Variants in UTP20 observed in about 807,000 individuals in gnomAD.
UTP20 encodes the protein small subunit processome component 20 homolog.
In UTP20, 164 loss-of-function variants were observed where a neutral mutation model predicts 329.5. That is an observed-to-expected ratio of 0.50 (90% CI 0.44 to 0.57). The LOEUF is 0.57. Ranked by LOEUF, UTP20 falls within the 20% of genes least tolerant of loss-of-function variation. The pLI, the probability that UTP20 is intolerant of heterozygous loss-of-function variation, is 0.00. For synonymous variants in UTP20, 1,151 were observed against 1,159.3 expected (o/e 0.99, Z 0.14); for missense variants, 3,055 against 3,284.2 (o/e 0.93, Z 1.71).
At chr12:101,370,330 G>A in intron 49 of UTP20, 102 bp from the exon 50 acceptor site, 4 of 1,378,646 alleles carry the variant, frequency 2.9e-6, no homozygotes, top group Non-Finnish European at 3.9e-6. Context: ...CTGGCACCCT[G>A]TTTGGAAAAG....
At chr12:101,383,452 G>C (rs991606285) in intron 59 of UTP20, 91 bp from the exon 60 acceptor site, 1 of 1,533,996 alleles carries the variant, frequency 6.5e-7, no homozygotes, top group African/African-American at 1.4e-5. Flanking sequence ...TCCCAAAATA[G>C]ACTGAGCCCT....
chr12:101,324,500 G>A (rs1328922605), intron 25 of UTP20, among the ~76,000 whole-genome samples: 1 of 152,060 alleles, frequency 6.6e-6, no homozygotes, highest in African/African-American at 2.4e-5. Context: ...AAACTCCTGA[G>A]CTCAGGCTGT....
At chr12:101,383,458 G>C (rs1870721513) in intron 59 of UTP20, 85 bp from the exon 60 acceptor site, 1 of 1,537,800 alleles carries the variant, frequency 6.5e-7, no homozygotes, top group African/African-American at 1.4e-5. Flanking sequence ...AATAGACTGA[G>C]CCCTGTTTTC....
intron 15 of UTP20, among the ~76,000 whole-genome samples, chr12:101,303,524 A>G (rs1025602190): frequency 2.0e-5 from 3 of 152,190 alleles, no homozygotes; most frequent in African/African-American, 7.2e-5. Flanking sequence ...CCTGGGTTCC[A>G]GACCTGGAGG....
chr12:101,314,154 G>A (rs758232963), intron 21 of UTP20, among the ~76,000 whole-genome samples: 1 of 152,204 alleles, frequency 6.6e-6, no homozygotes, highest in Non-Finnish European at 1.5e-5. Flanking sequence ...CCAGGAAAGA[G>A]TGATAAAAGA....
intron 33 of UTP20, 96 bp downstream of exon 33, chr12:101,342,685 T>A: frequency 6.5e-7 from 1 of 1,529,410 alleles, no homozygotes; most frequent in Non-Finnish European, 8.9e-7. Flanking sequence ...GCCAGGGTGA[T>A]GTTTTTATAT....
chr12:101,338,949 T>A lies in UTP20; in HGVS notation c.4005T>A (p.Ile1335=), dbSNP rs200415395. ...NRAQVSKELG[I]LSKISKFMKD... is the part of the protein sequence containing the mutation. ...CACAAGTCAGTAAAGAGCTTGGCATTCTTTCAAAGTAAGTGATATGTTGAT... is the reference window on the plus strand; with the variant it reads ...CACAAGTCAGTAAAGAGCTTGGCATACTTTCAAAGTAAGTGATATGTTGAT... Residue 1335 remains isoleucine, a synonymous_variant, in exon 31 of 62, where the codon ATT becomes ATA. Coordinates refer to ENST00000261637, the MANE Select transcript of UTP20 (RefSeq NM_014503.3). The A allele has an allele frequency of 6.9e-5, 109 of 1,590,550 alleles. No homozygotes were observed. The highest frequency in any genetic ancestry group is 8.4e-5 in the Non-Finnish European group (99 of 1,174,244).
chr12:101,332,111 G>A (rs1198771933), intron 27 of UTP20, among the ~76,000 whole-genome samples: 1 of 152,112 alleles, frequency 6.6e-6, no homozygotes, highest in Non-Finnish European at 1.5e-5. Flanking sequence ...TCCGAGGCGG[G>A]CAGATCACCT....
intron 35 of UTP20, among the ~76,000 whole-genome samples, 172 bp from the exon 36 acceptor site, chr12:101,344,423 C>T (rs1440029273): frequency 2.0e-5 from 3 of 152,158 alleles, no homozygotes; most frequent in Non-Finnish European, 4.4e-5. Context: ...GTATTATATT[C>T]CTCACAGAAC....
chr12:101,364,602 C>T (rs1403106096), intron 45 of UTP20, among the ~76,000 whole-genome samples: 2 of 152,180 alleles, frequency 1.3e-5, no homozygotes, highest in East Asian at 1.9e-4. Context: ...AATTTACCCA[C>T]CTTCCTATTG....
At chr12:101,293,113 G>T in intron 10 of UTP20, 55 bp from the exon 11 acceptor site, 3 of 1,546,526 alleles carry the variant, frequency 1.9e-6, no homozygotes, top group Admixed American at 1.7e-5. Context: ...TTGCTGGGGG[G>T]ATGGGGAAAA....
intron 6 of UTP20, 74 bp downstream of exon 6, chr12:101,289,115 G>T (rs981222038): frequency 7.4e-7 from 1 of 1,351,488 alleles, no homozygotes; most frequent in African/African-American, 1.5e-5. Context: ...GGTGGCTCAT[G>T]CCTGTAATCC....
chr12:101,290,420 C>T, intron 7 of UTP20, 146 bp downstream of exon 7: 2 of 996,056 alleles, frequency 2.0e-6, no homozygotes, highest in Admixed American at 3.4e-5. Flanking sequence ...ACAATGCTTA[C>T]CCAATGTAGG....
rs752995039 is a variant in UTP20 at position 101,383,266 on chromosome 12, C to A, written c.7882C>A (p.Arg2628=). The A allele has an allele frequency of 6.2e-7, 1 of 1,614,036 alleles. No individual in the cohort carries two copies. Among genetic ancestry groups the A allele is most frequent in the South Asian group, 1.1e-5 (1 of 91,064 alleles). Residue 2628 remains arginine (R), a synonymous_variant, in exon 59 of 62, where the codon CGG becomes AGG. Transcript: ENST00000261637. ...TLLWLIQKLS[R]IAKLEAAYSP... is the part of the protein sequence containing the mutation. The stretch of plus-strand genomic sequence containing the variant: ...GCTGTGGTTGATCCAGAAGCTGTCC[C>A]GGATTGCAAAACTGGAAGCTGCTTA...
At chr12:101,379,820 GT>G (rs955399929) in intron 57 of UTP20, among the ~76,000 whole-genome samples, 5 of 149,504 alleles carry the variant, frequency 3.3e-5, no homozygotes, top group Middle Eastern at 3.2e-3. Flanking sequence ...ATATGTTTAA[GT>G]TTTTTTTTTC....
At chr12:101,282,540 G>T (rs563446542) in intron 2 of UTP20, among the ~76,000 whole-genome samples, 43 of 152,238 alleles carry the variant, frequency 2.8e-4, no homozygotes, top group African/African-American at 9.9e-4. Context: ...AATAGGCAAG[G>T]ATCATAAAGG....
At chr12:101,359,392 G>T (rs574315582) in intron 43 of UTP20, among the ~76,000 whole-genome samples, 1 of 151,848 alleles carries the variant, frequency 6.6e-6, no homozygotes, top group South Asian at 2.1e-4. Flanking sequence ...TAAATTTCCT[G>T]CAGTGCACTC....
chr12:101,338,386 A>G, intron 30 of UTP20, 109 bp downstream of exon 30: 1 of 1,103,892 alleles, frequency 9.1e-7, no homozygotes, highest in Non-Finnish European at 1.3e-6. Flanking sequence ...GCATATGCTC[A>G]GAAGTTTCTT....
intron 48 of UTP20, 107 bp downstream of exon 48, chr12:101,368,083 T>G: frequency 1.2e-6 from 1 of 808,590 alleles, no homozygotes; most frequent in Non-Finnish European, 2.0e-6. Context: ...ATGAGATGAT[T>G]GAGGTGTTTT....
Sources: gnomAD v4.1 joint callset for allele counts (sites outside exome capture counted in the v4.1 genomes callset) on GRCh38, gnomAD v4.1.1 for gene constraint, MANE v1.5 for transcripts, NCBI Gene and HGNC (gene_info 2026-07-23, HGNC 2026-07-21) for gene names.